The following CNTLN variants were observed in gnomAD, a reference collection of about 807,000 sequenced individuals.
CNTLN encodes centlein, also known as centlein, centrosomal protein.
CNTLN carries 212 observed loss-of-function variants against 180.0 expected under a neutral mutation model. The observed-to-expected ratio is 1.18, with a 90% CI of 1.05 to 1.32. CNTLN has a LOEUF of 1.32. Ranked by LOEUF, CNTLN falls within the 40% of genes most tolerant of loss-of-function variation. The pLI, the probability that CNTLN is intolerant of heterozygous loss-of-function variation, is 0.00. For missense variants in CNTLN, 2,095 were observed against 1,610.9 expected (o/e 1.30, Z -5.14); for synonymous variants, 722 against 563.1 (o/e 1.28, Z -3.99).
intron 8 of CNTLN, among the ~76,000 whole-genome samples, chr9:17,325,575 ACG>A (rs1820232236): frequency 1.1e-5 from 1 of 89,550 alleles, no homozygotes; most frequent in Non-Finnish European, 2.7e-5. Context: ...ACACACACAC[ACG>A]CACACACACA....
chr9:17,430,000 A>G (rs1587972285), intron 18 of CNTLN, among the ~76,000 whole-genome samples: 1 of 152,024 alleles, frequency 6.6e-6, no homozygotes, highest in South Asian at 2.1e-4. Context: ...TGTGATTTCC[A>G]TAGCTAAACA....
intron 3 of CNTLN, among the ~76,000 whole-genome samples, chr9:17,232,619 T>C (rs1824883972): frequency 6.6e-6 from 1 of 152,044 alleles, no homozygotes; most frequent in Non-Finnish European, 1.5e-5. Flanking sequence ...TTATGGGTAT[T>C]TTACAAACAG....
intron 5 of CNTLN, among the ~76,000 whole-genome samples, chr9:17,268,240 G>T (rs75342382): frequency 1.1e-3 from 168 of 152,256 alleles, no homozygotes; most frequent in Non-Finnish European, 1.6e-3. Context: ...TTGTTTGTTA[G>T]TTTTCCTTCT....
At chr9:17,185,746 CTT>C (rs1320980795) in intron 2 of CNTLN, among the ~76,000 whole-genome samples, 1 of 146,604 alleles carries the variant, frequency 6.8e-6, no homozygotes, top group Non-Finnish European at 1.5e-5. Context: ...TTTCTCTCCT[CTT>C]TGCTTTTTGA....
rs778006339 is a variant in CNTLN at position 17,330,590 on chromosome 9, A to G, written c.1342-42A>G. 3.8e-6 allele frequency: 4 copies of G among 1,060,122 alleles called. No homozygotes were observed. In the East Asian group the frequency reaches 7.6e-5, roughly 20 times the overall value. 65.7% of individuals were successfully genotyped at this position (1,060,122 alleles called of 1,614,324 possible). ...TATTTATTTATAAATAATGTAAGAT[A>G]CAAACATAGATATCTATTTACAATT... On this transcript the variant is annotated intron_variant, in intron 8 of 25. Transcript: ENST00000380647.
intron 2 of CNTLN, among the ~76,000 whole-genome samples, chr9:17,218,487 T>C (rs1823914411): frequency 6.6e-6 from 1 of 152,142 alleles, no homozygotes; most frequent in African/African-American, 2.4e-5. Context: ...GAAGAAATAC[T>C]TATAAAATAG....
At chr9:17,416,711 T>C (rs1828282610) in intron 18 of CNTLN, among the ~76,000 whole-genome samples, 1 of 152,146 alleles carries the variant, frequency 6.6e-6, no homozygotes, top group Admixed American at 6.6e-5. Flanking sequence ...TAGTCAACAT[T>C]ATACCTTACT....
intron 2 of CNTLN, among the ~76,000 whole-genome samples, chr9:17,190,483 G>A (rs1432997772): frequency 6.6e-6 from 1 of 151,694 alleles, no homozygotes; most frequent in East Asian, 1.9e-4. Flanking sequence ...ATTTTAACAT[G>A]GCTATTAAAA....
At chr9:17,369,683 G>A (rs1824139806) in intron 13 of CNTLN, among the ~76,000 whole-genome samples, 1 of 151,474 alleles carries the variant, frequency 6.6e-6, no homozygotes, top group African/African-American at 2.4e-5. Context: ...TTGAAGACAG[G>A]CTATTTGAAA....
At chr9:17,244,420 G>T (rs970792993) in intron 5 of CNTLN, among the ~76,000 whole-genome samples, 1 of 152,046 alleles carries the variant, frequency 6.6e-6, no homozygotes, top group African/African-American at 2.4e-5. Context: ...GTCTTGCTAT[G>T]TTGCCCAGAC....
rs1819104922 is a variant in CNTLN at position 17,154,298 on chromosome 9, T to C, written c.449+10922T>C. On this transcript the variant is annotated intron_variant, in intron 2 of 25. Coordinates refer to ENST00000380647, the MANE Select transcript of CNTLN (RefSeq NM_017738.4). Reference sequence around the variant, plus strand: ...TTTTCCCCATCTTTGTGGATTTATCTTTCTTTGATCTTTGATGTTGGTAAC... The same window carrying C: ...TTTTCCCCATCTTTGTGGATTTATCCTTCTTTGATCTTTGATGTTGGTAAC... Among the ~76,000 whole-genome samples the C allele has an allele frequency of 1.3e-5, 2 of 152,236 alleles. 1 individual carries two copies. The highest frequency in any genetic ancestry group is 4.1e-4 in the South Asian group (2 of 4,834).
chr9:17,495,034 A>C (rs1833377615), intron 25 of CNTLN: 1 of 395,974 alleles, frequency 2.5e-6, no homozygotes, highest in Non-Finnish European at 4.9e-6. Flanking sequence ...GCGTGCCACC[A>C]TGCCCAGCTA....
chr9:17,394,978 C>T lies in CNTLN; in HGVS notation c.2524C>T (p.His842Tyr), dbSNP rs778515902. The change falls in exon 15 of 26, where the codon CAC (histidine) becomes TAC (tyrosine). Residue 842 changes from histidine to tyrosine, a missense_variant. Coordinates refer to ENST00000380647, the MANE Select transcript of CNTLN (RefSeq NM_017738.4). ...AAKKNCSVGR[H>Y]HTVLNHSIKV... ...GAAGAAAAATTGCTCTGTGGGTCGT[C>T]ACCACACTGTTCTCAATCATTCCAT... 4 of 1,613,760 alleles carry T rather than the reference C, an allele frequency of 2.5e-6. No individual in the cohort carries two copies. Among genetic ancestry groups the T allele is most frequent in the Non-Finnish European group, 3.4e-6 (4 of 1,179,724 alleles).
rs370896247 is a variant in CNTLN at position 17,240,521 on chromosome 9, T to G, written c.849+3933T>G. Among the ~76,000 whole-genome samples, 17 of 152,338 alleles carry G rather than the reference T, an allele frequency of 1.1e-4. No homozygotes were observed. The Middle Eastern group carries it at 0.01, about 91-fold the overall frequency. On this transcript the variant is annotated intron_variant, in intron 5 of 25. Transcript: ENST00000380647. ...AATAGAGAAAGAGTGGATATCCATG[T>G]CTTTTCAAATACCTATTTGCCATTT...
intron 6 of CNTLN, among the ~76,000 whole-genome samples, chr9:17,284,523 C>G (rs979756033): frequency 1.6e-4 from 24 of 152,048 alleles, no homozygotes; most frequent in African/African-American, 5.6e-4. Flanking sequence ...TCTGTTTCTT[C>G]TAGATTTTCT....
intron 8 of CNTLN, among the ~76,000 whole-genome samples, chr9:17,312,367 TA>T (rs1399643277): frequency 3.7e-4 from 4 of 10,946 alleles, no homozygotes; most frequent in Admixed American, 1.3e-3. Context: ...ATATATATTA[TA>T]TATATATATA....
intron 18 of CNTLN, among the ~76,000 whole-genome samples, chr9:17,438,456 A>C (rs1829910754): frequency 6.6e-6 from 1 of 152,180 alleles, no homozygotes; most frequent in South Asian, 2.1e-4. Flanking sequence ...TTTTTAACAA[A>C]GTGAGTAGAA....
chr9:17,486,375 C>T (rs1346702521), intron 24 of CNTLN, among the ~76,000 whole-genome samples: 1 of 151,984 alleles, frequency 6.6e-6, no homozygotes, highest in Non-Finnish European at 1.5e-5. Flanking sequence ...ATTACAATTT[C>T]AAGTGAATCA....
At position 17,239,686 on chromosome 9, in the gene CNTLN, T is replaced by A. The variant is rs549616755; in HGVS notation, c.849+3098T>A. Among the ~76,000 whole-genome samples, 3 of 152,202 alleles carry A rather than the reference T, an allele frequency of 2.0e-5. No homozygotes were observed. The South Asian group carries it at 6.2e-4, about 32-fold the overall frequency. The stretch of plus-strand genomic sequence containing the variant: ...AGGCCTAATGTCATGCTTTTGTATG[T>A]GTTATTTAGTTGTTTCAGCACCATT... On this transcript the variant is annotated intron_variant, in intron 5 of 25. Coordinates refer to ENST00000380647, the MANE Select transcript of CNTLN (RefSeq NM_017738.4).
Sources: gnomAD v4.1 joint callset for allele counts (sites outside exome capture counted in the v4.1 genomes callset) on GRCh38, gnomAD v4.1.1 for gene constraint, MANE v1.5 for transcripts, NCBI Gene and HGNC (gene_info 2026-07-23, HGNC 2026-07-21) for gene names.